The following HBS1L variants were observed in gnomAD, a reference collection of about 807,000 sequenced individuals.
HBS1L encodes the protein HBS1 like translational GTPase, also known as HBS1-like protein.
Under a neutral mutation model 88.9 loss-of-function variants are expected in HBS1L, and 55 were observed. That is an observed-to-expected ratio of 0.62 (90% CI 0.50 to 0.77). HBS1L has a LOEUF of 0.77. Ranked by LOEUF, HBS1L falls within the 30% of genes least tolerant of loss-of-function variation. HBS1L has a pLI of 0.00. For synonymous variants in HBS1L, 267 were observed against 288.5 expected, an observed-to-expected ratio of 0.93 and a Z score of 0.76; for missense variants, 741 against 829.3, an observed-to-expected ratio of 0.89 and a Z score of 1.31.
chr6:134,988,896 T>C (rs1775055066), intron 8 of HBS1L, among the ~76,000 whole-genome samples: 1 of 152,126 alleles, frequency 6.6e-6, no homozygotes, highest in Admixed American at 6.5e-5. Context: ...ACAGCAAATA[T>C]ATGAATTATC....
At chr6:135,000,485 A>G (rs945740607) in intron 5 of HBS1L, among the ~76,000 whole-genome samples, 5 of 152,116 alleles carry the variant, frequency 3.3e-5, no homozygotes, top group East Asian at 1.9e-4. Context: ...TTAGAAGCGA[A>G]TAACTGAGAT....
intron 12 of HBS1L, chr6:134,982,997 T>C (rs1774875842): frequency 6.6e-6 from 1 of 152,512 alleles, no homozygotes. Flanking sequence ...TCCATGATGG[T>C]GAGAATAGAC....
rs191633049 is a variant in HBS1L, at chr6:135,045,593, T to C, written c.110-3467A>G. On this transcript the variant is annotated intron_variant, in intron 2 of 17. Transcript: ENST00000367837. ...GCTCATGCCTGTAATCCCAGCACTT[T>C]GGGAGGTCCAGGCAGGTGGATCACC... 2.1e-3 allele frequency among the ~76,000 whole-genome samples: 321 copies of C among 152,322 alleles called. 2 individuals are homozygous for C. Among genetic ancestry groups the C allele is most frequent in the African/African-American group, 7.0e-3 (292 of 41,568 alleles).
intron 5 of HBS1L, among the ~76,000 whole-genome samples, chr6:134,999,448 C>CTTTTTTTTTTTT: frequency 8.0e-6 from 1 of 124,776 alleles, no homozygotes. Context: ...TTTTTCTTTT[C>CTTTTTTTTTTTT]TTTTTTTTTT....
At position 134,978,665 on chromosome 6, in the gene HBS1L, A is replaced by G. The variant is rs2114766498; in HGVS notation, c.1797+14T>C. 1 of 1,391,636 alleles carries G rather than the reference A, an allele frequency of 7.2e-7. No homozygotes were observed. Among genetic ancestry groups the G allele is most frequent in the Middle Eastern group, 1.8e-4 (1 of 5,582 alleles). The allele number at this position is 1,391,636 out of a possible 1,614,324, so 86.2% of individuals were successfully genotyped here. ...TTTATAAAAACAGGAATAATAAAAC[A>G]TTTTGGAACTTACAGGAAATCCTTT... On this transcript the variant is annotated intron_variant, in intron 15 of 17. Transcript: ENST00000367837.
chr6:134,987,994 A>T (rs1249513851), intron 8 of HBS1L, among the ~76,000 whole-genome samples: 1 of 152,204 alleles, frequency 6.6e-6, no homozygotes, highest in African/African-American at 2.4e-5. Context: ...AAAGAACAAT[A>T]AAAAAGTCCA....
intron 4 of HBS1L, among the ~76,000 whole-genome samples, chr6:135,014,335 G>A (rs138264153): frequency 6.6e-6 from 1 of 152,290 alleles, no homozygotes; most frequent in African/African-American, 2.4e-5. Context: ...AGACTGCCTA[G>A]ATACGATCTT....
At chr6:134,978,092 A>G (rs916016686) in intron 15 of HBS1L, among the ~76,000 whole-genome samples, 1 of 151,958 alleles carries the variant, frequency 6.6e-6, no homozygotes, top group African/African-American at 2.4e-5. Context: ...ATCCCCAGAC[A>G]TTTACTGTAT....
intron 2 of HBS1L, among the ~76,000 whole-genome samples, chr6:135,045,781 G>A (rs1238864295): frequency 1.3e-5 from 2 of 151,978 alleles, no homozygotes; most frequent in South Asian, 4.2e-4. Context: ...GGAGGTTGAG[G>A]TGAGCCGAGA....
intron 4 of HBS1L, among the ~76,000 whole-genome samples, chr6:135,008,835 C>T (rs1775685557): frequency 6.6e-6 from 1 of 152,018 alleles, no homozygotes; most frequent in Non-Finnish European, 1.5e-5. Flanking sequence ...CTTACACGTT[C>T]ACGCAGTCCA....
intron 1 of HBS1L, among the ~76,000 whole-genome samples, chr6:135,053,600 C>A (rs1225221899): frequency 6.6e-6 from 1 of 152,192 alleles, no homozygotes; most frequent in African/African-American, 2.4e-5. Flanking sequence ...ATGTTCTAGA[C>A]GGACTGAGGT....
intron 15 of HBS1L, among the ~76,000 whole-genome samples, chr6:134,974,238 G>A (rs1484379877): frequency 6.6e-6 from 1 of 151,904 alleles, no homozygotes; most frequent in Non-Finnish European, 1.5e-5. Flanking sequence ...CACATATCAA[G>A]CAGTGAGAAT....
chr6:134,988,012 T>C (rs1217697187), intron 8 of HBS1L, among the ~76,000 whole-genome samples: 1 of 152,068 alleles, frequency 6.6e-6, no homozygotes, highest in African/African-American at 2.4e-5. Flanking sequence ...CCACACTTGA[T>C]TATATAAGAA....
intron 8 of HBS1L, among the ~76,000 whole-genome samples, chr6:134,991,006 C>T (rs1377228265): frequency 1.3e-5 from 2 of 151,310 alleles, no homozygotes; most frequent in Non-Finnish European, 1.5e-5. Context: ...GTGCTTGCTA[C>T]ACAGCCAGTA....
At position 135,043,465 on chromosome 6, in the gene HBS1L, G is replaced by T. The variant is rs746886243; in HGVS notation, c.110-1339C>A. Among the ~76,000 whole-genome samples, 9 of 152,298 alleles carry T rather than the reference G, an allele frequency of 5.9e-5. 1 individual carries two copies. The highest frequency in any genetic ancestry group is 2.1e-4 in the South Asian group (1 of 4,824). On this transcript the variant is annotated intron_variant, in intron 2 of 17. Coordinates refer to ENST00000367837, the MANE Select transcript of HBS1L (RefSeq NM_006620.4). ...GGGGTAGAGAAAAAGACATCAAAAT[G>T]TATAGATAATGCATAGAACATAAAG...
At chr6:134,971,673 A>G (rs1056329995) in intron 15 of HBS1L, among the ~76,000 whole-genome samples, 1 of 152,202 alleles carries the variant, frequency 6.6e-6, no homozygotes, top group Admixed American at 6.5e-5. Flanking sequence ...ATTTTAATTC[A>G]TATTATATAT....
intron 15 of HBS1L, among the ~76,000 whole-genome samples, chr6:134,978,271 TTTA>T (rs1774708076): frequency 1.3e-5 from 2 of 151,990 alleles, no homozygotes; most frequent in South Asian, 4.1e-4. Flanking sequence ...ATCTATAACT[TTTA>T]TTATCAGAAA....
At chr6:134,992,065 C>G (rs1775155981) in intron 8 of HBS1L, among the ~76,000 whole-genome samples, 1 of 152,126 alleles carries the variant, frequency 6.6e-6, no homozygotes. Context: ...GAGACTCTGT[C>G]TCAAAAAATT....
In HBS1L at chr6:134,974,871, C is replaced by T. The variant is rs569380810; in HGVS notation, c.1797+3808G>A. ...GAAACAAGACAAGGATGTTCACTCT[C>T]ATCACTTCTATTAAACACAGTACTG... On this transcript the variant is annotated intron_variant, in intron 15 of 17. Coordinates refer to ENST00000367837, the MANE Select transcript of HBS1L (RefSeq NM_006620.4). Among the ~76,000 whole-genome samples the T allele has an allele frequency of 3.3e-5, 5 of 152,270 alleles. No individual in the cohort carries two copies. In the South Asian group the frequency reaches 1.0e-3, roughly 32 times the overall value.
Sources: allele counts gnomAD v4.1 joint callset (sites outside exome capture counted in the v4.1 genomes callset), GRCh38; gene constraint gnomAD v4.1.1; transcripts MANE v1.5; gene names NCBI Gene and HGNC (gene_info 2026-07-23, HGNC 2026-07-21).